Variants in RHCG observed in about 807,000 individuals in gnomAD.
RHCG encodes ammonium transporter Rh type C.
In RHCG, 39 loss-of-function variants were observed where a neutral mutation model predicts 55.3. The observed-to-expected ratio is 0.70, with a 90% CI of 0.55 to 0.92. The LOEUF is 0.92. Ranked by LOEUF, RHCG falls within the 40% of genes least tolerant of loss-of-function variation. The pLI is 0.00. For missense variants in RHCG, 635 were observed against 627.9 expected, an observed-to-expected ratio of 1.01 and a Z score of -0.12; for synonymous variants, 250 against 246.8, an observed-to-expected ratio of 1.01 and a Z score of -0.12.
At chr15:89,474,502 G>A (rs1272174234) in intron 9 of RHCG, among the ~76,000 whole-genome samples, 1 of 152,192 alleles carries the variant, frequency 6.6e-6, no homozygotes, top group Admixed American at 6.5e-5. Flanking sequence ...CATGAGGGGA[G>A]TCCTGCCATC....
Position 89,477,791 on chromosome 15 carries a change from G to C in RHCG, c.975+46C>G. 6.2e-7 allele frequency: 1 copy of C among 1,611,448 alleles called. No individual in the cohort carries two copies. Among genetic ancestry groups the C allele is most frequent in the Non-Finnish European group, 8.5e-7 (1 of 1,178,258 alleles). ...CTCAGCTCACTGTCAGGAACACAAA[G>C]ACCTCAGCATTCTCTAGCCCCCAGC... On this transcript the variant is annotated intron_variant, in intron 6 of 10. Transcript: ENST00000268122. The surrounding 1 kb of genome is among the most constrained non-coding windows in gnomAD (Gnocchi z 4.5).
intron 9 of RHCG, 96 bp downstream of exon 9, chr15:89,476,659 G>T: frequency 1.0e-6 from 1 of 997,734 alleles, no homozygotes; most frequent in Non-Finnish European, 1.6e-6. Context: ...CCCACCCCCG[G>T]CATCTGGGTC....
chr15:89,477,035 G>A lies in RHCG; in HGVS notation c.1237+47C>T, dbSNP rs1395959378. 1.2e-6 allele frequency: 2 copies of A among 1,612,078 alleles called. No homozygotes were observed. Among genetic ancestry groups the A allele is most frequent in the South Asian group, 2.2e-5 (2 of 90,908 alleles). ...TGCCCTTTGCTTCTCCACCCAGGGA[G>A]CCCCACAGCAGCACCCCCCTTCTCT... On this transcript the variant is annotated intron_variant, in intron 8 of 10. Coordinates refer to ENST00000268122, the MANE Select transcript of RHCG (RefSeq NM_016321.3). The surrounding 1 kb of genome is among the most constrained non-coding windows in gnomAD (Gnocchi z 4.5).
intron 1 of RHCG, among the ~76,000 whole-genome samples, chr15:89,488,277 G>A (rs1370913263): frequency 7.3e-6 from 1 of 136,440 alleles, no homozygotes; most frequent in Non-Finnish European, 1.6e-5. Context: ...ACAGTAGAAT[G>A]CTGAGGCTAC....
In RHCG at chr15:89,477,374, G is replaced by T. The variant is rs1321444628; in HGVS notation, c.1112+143C>A. The T allele has an allele frequency of 2.2e-6, 3 of 1,394,202 alleles. No homozygotes were observed. Among genetic ancestry groups the T allele is most frequent in the Non-Finnish European group, 2.0e-6 (2 of 1,022,556 alleles). The allele number at this position is 1,394,202 out of a possible 1,614,324, so 86.4% of individuals were successfully genotyped here. ...CTAAAACTCTAAGGGACAGAGTTTG[G>T]GGAGAGAGACCCATGAAACAATTGG... On this transcript the variant is annotated intron_variant, in intron 7 of 10. Transcript: ENST00000268122. The surrounding 1 kb of genome is among the most constrained non-coding windows in gnomAD (Gnocchi z 4.5).
In RHCG at chr15:89,483,167, G is replaced by GC. The variant is rs1480944348; in HGVS notation, c.421dup (p.Ala141GlyfsTer5). The GC allele has an allele frequency of 2.5e-6, 4 of 1,597,114 alleles. No homozygotes were observed. The African/African-American group carries it at 4.0e-5, about 16-fold the overall frequency. ...AATGGGGCTGACTTTACCCAGAACT[G>GC]CCCCAAAGGCCACGCAGACAGAGGC... is the stretch of plus-strand genomic sequence containing the variant. On this transcript the variant is annotated frameshift_variant, in exon 3 of 11. Transcript: ENST00000268122. LOFTEE classifies it high-confidence loss of function.
At chr15:89,489,844 T>C (rs1596408491) in intron 1 of RHCG, among the ~76,000 whole-genome samples, 1 of 152,304 alleles carries the variant, frequency 6.6e-6, no homozygotes, top group East Asian at 1.9e-4. Flanking sequence ...TTCTCTCCCT[T>C]ATGGCACCCT....
At chr15:89,475,352 C>T (rs1276103707) in intron 9 of RHCG, among the ~76,000 whole-genome samples, 3 of 152,198 alleles carry the variant, frequency 2.0e-5, no homozygotes, top group Non-Finnish European at 4.4e-5. Flanking sequence ...AAGTGATTCT[C>T]CTGCCTCAAC....
chr15:89,494,008 A>G (rs1961522023), intron 1 of RHCG, among the ~76,000 whole-genome samples: 1 of 152,078 alleles, frequency 6.6e-6, no homozygotes, highest in Non-Finnish European at 1.5e-5. Context: ...TCCATTGGCC[A>G]AGAGCTCTCC....
In RHCG at chr15:89,486,863, C is replaced by A; in HGVS notation, c.307G>T (p.Ala103Ser). ...TGGAACCAGCCCTGCATGAGCAGCGCCCACTGGATGCCGAAGGCTGCCAAC... is the reference window on the plus strand; with the variant it reads ...TGGAACCAGCCCTGCATGAGCAGCGACCACTGGATGCCGAAGGCTGCCAAC... ...FLLAAFGIQWALLMQGWFHFL... is the reference protein window; with the variant it reads ...FLLAAFGIQWSLLMQGWFHFL... The change falls in exon 2 of 11, where the codon GCG becomes TCG. Residue 103 changes from alanine to serine, a missense_variant. By Grantham distance (99) the Ala-to-Ser change is moderately conservative. Transcript: ENST00000268122. The A allele has an allele frequency of 6.2e-7, 1 of 1,612,346 alleles. No homozygotes were observed. Among genetic ancestry groups the A allele is most frequent in the Non-Finnish European group, 8.5e-7 (1 of 1,178,580 alleles).
Position 89,477,984 on chromosome 15 carries a change from G to T in RHCG, c.838-10C>A, listed in dbSNP as rs1961188789. The T allele has an allele frequency of 1.3e-6, 2 of 1,593,798 alleles. No homozygotes were observed. The highest frequency in any genetic ancestry group is 2.2e-5 in the East Asian group (1 of 44,578). Reference sequence around the variant, plus strand: ...CATTCTGGATGTGCACCTGGGCAGGGCAGGCAGAGCAGGCAGGAACTCAGT... The same window carrying T: ...CATTCTGGATGTGCACCTGGGCAGGTCAGGCAGAGCAGGCAGGAACTCAGT... On this transcript the variant is annotated splice_polypyrimidine_tract_variant and intron_variant, in intron 5 of 10. Coordinates refer to ENST00000268122, the MANE Select transcript of RHCG (RefSeq NM_016321.3). This position sits in a 1 kb window ranked among gnomAD's most constrained non-coding sequence, Gnocchi z 4.5.
At chr15:89,482,242 T>C (rs538178352) in intron 3 of RHCG, among the ~76,000 whole-genome samples, 1 of 152,308 alleles carries the variant, frequency 6.6e-6, no homozygotes, top group East Asian at 1.9e-4. Flanking sequence ...TGGCCTCTTC[T>C]CTATGCATTA....
chr15:89,473,251 G>A (rs1464584887), intron 9 of RHCG, among the ~76,000 whole-genome samples: 5 of 152,302 alleles, frequency 3.3e-5, no homozygotes, highest in South Asian at 2.1e-4. Context: ...GGGCAGAGGC[G>A]GTAAAAGGTA....
chr15:89,496,281 C>T, intron 1 of RHCG, 80 bp downstream of exon 1: 1 of 1,476,316 alleles, frequency 6.8e-7, no homozygotes, highest in Non-Finnish European at 9.4e-7. Flanking sequence ...CCTCCTCTGC[C>T]CAGCTCTGGG....
At position 89,477,259 on chromosome 15, in the gene RHCG, G is replaced by A; in HGVS notation, c.1113-53C>T. ...GGCCCCATGGAGAGGCCAAGTAACAGCTTGCTGCCACCCCAAAAATGTGAC... is the reference window on the plus strand; with the variant it reads ...GGCCCCATGGAGAGGCCAAGTAACAACTTGCTGCCACCCCAAAAATGTGAC... On this transcript the variant is annotated intron_variant, in intron 7 of 10. Transcript: ENST00000268122. The surrounding 1 kb of genome is among the most constrained non-coding windows in gnomAD (Gnocchi z 4.5). 6.2e-7 allele frequency: 1 copy of A among 1,603,740 alleles called. No individual in the cohort carries two copies. Among genetic ancestry groups the A allele is most frequent in the Non-Finnish European group, 8.5e-7 (1 of 1,173,018 alleles).
intron 2 of RHCG, among the ~76,000 whole-genome samples, chr15:89,485,655 AT>A (rs34843255): frequency 0.069 from 10,503 of 152,026 alleles, 1,220 homozygotes; most frequent in African/African-American, 0.24. Flanking sequence ...TCTCAAATTA[AT>A]TTTTTTTCTT....
Position 89,486,961 on chromosome 15 carries a change from A to C in RHCG, c.209T>G (p.Val70Gly). ...CATGAGGAAGCCGAAGCCCACGAAG[A>C]CCATCACGTGCACGTCCTGGAAGCC... ...YPSFQDVHVM[V>G]FVGFGFLMTF... The change falls in exon 2 of 11, where the codon GTC becomes GGC. Residue 70 changes from valine (V) to glycine (G), a missense_variant. Coordinates refer to ENST00000268122, the MANE Select transcript of RHCG (RefSeq NM_016321.3). 1 of 1,602,494 alleles carries C rather than the reference A, an allele frequency of 6.2e-7. No homozygotes were observed. The highest frequency in any genetic ancestry group is 2.2e-5 in the East Asian group (1 of 44,540).
At chr15:89,487,307 C>T (rs940627937) in intron 1 of RHCG, among the ~76,000 whole-genome samples, 3 of 152,184 alleles carry the variant, frequency 2.0e-5, no homozygotes, top group Non-Finnish European at 4.4e-5. Context: ...TCCCAAACAC[C>T]CTCCTTGAGA....
At chr15:89,489,260 G>A (rs1425774515) in intron 1 of RHCG, among the ~76,000 whole-genome samples, 2 of 151,976 alleles carry the variant, frequency 1.3e-5, no homozygotes, top group Admixed American at 1.3e-4. Flanking sequence ...GGGATTACAG[G>A]CATGTGCCAC....
Sources: gnomAD v4.1 joint callset for allele counts (sites outside exome capture counted in the v4.1 genomes callset) on GRCh38, gnomAD v4.1.1 for gene constraint, Gnocchi (gnomAD v3.1) non-coding constraint, MANE v1.5 for transcripts, NCBI Gene and HGNC (gene_info 2026-07-23, HGNC 2026-07-21) for gene names.